The following IGSF10 variants were observed in gnomAD, a reference collection of about 807,000 sequenced individuals.
The protein encoded by IGSF10 is calvaria mechanical force protein 608.
In IGSF10, 126 loss-of-function variants were observed where a neutral mutation model predicts 128.2. The ratio of observed to expected loss-of-function variants is 0.98; its 90% confidence interval spans 0.85 to 1.14. The LOEUF (loss-of-function observed/expected upper bound fraction) is 1.14, where lower values mean the gene tolerates loss of function less well. Ranked by LOEUF, IGSF10 falls within the 50% of genes most tolerant of loss-of-function variation. IGSF10 has a pLI of 0.00. For synonymous variants in IGSF10, 1,185 were observed against 1,146.2 expected (o/e 1.03, Z -0.68); for missense variants, 3,295 against 3,149.8 (o/e 1.05, Z -1.10).
At chr3:151,565,916 C>T in the IGSF10 span, 19 of 151,964 alleles carry the variant, frequency 1.3e-4, no homozygotes, top group Non-Finnish European at 5.9e-5. Flanking sequence ...CTGATTTCTA[C>T]CAATCTCTCC....
chr3:151,593,443 A>T, the IGSF10 span, among the ~76,000 whole-genome samples: 2 of 151,736 alleles, frequency 1.3e-5, no homozygotes, highest in Non-Finnish European at 2.9e-5. Context: ...TTTCTGTGAG[A>T]TAGGTAGAGG....
the IGSF10 span, among the ~76,000 whole-genome samples, chr3:151,520,208 G>A: frequency 6.6e-6 from 1 of 151,676 alleles, no homozygotes; most frequent in Admixed American, 6.6e-5. Context: ...AATCCTGCCC[G>A]AGTTTGTTTT....
At chr3:151,440,578 A>C (rs866454467) in intron 7 of IGSF10, 2 of 456,778 alleles carry the variant, frequency 4.4e-6, no homozygotes, top group Non-Finnish European at 4.4e-6. Context: ...AACTTGCCTT[A>C]GGTCACAGGG....
chr3:151,509,996 GCCCAC>G, the IGSF10 span, among the ~76,000 whole-genome samples: 2 of 152,192 alleles, frequency 1.3e-5, no homozygotes, highest in African/African-American at 4.8e-5. Flanking sequence ...ACTGGGTGGA[GCCCAC>G]CACAGCTCAA....
At chr3:151,575,534 G>A in the IGSF10 span, among the ~76,000 whole-genome samples, 7 of 152,350 alleles carry the variant, frequency 4.6e-5, no homozygotes, top group South Asian at 1.5e-3. Flanking sequence ...ACTGAGCCAG[G>A]TGCAGGATAT....
the IGSF10 span, among the ~76,000 whole-genome samples, chr3:151,615,828 G>T: frequency 1.1e-4 from 17 of 152,130 alleles, no homozygotes; most frequent in African/African-American, 3.6e-4. Context: ...TCTTAAAATG[G>T]CAAAATATTC....
chr3:151,518,290 C>T, the IGSF10 span, among the ~76,000 whole-genome samples: 94 of 152,088 alleles, frequency 6.2e-4, no homozygotes, highest in African/African-American at 1.7e-3. Flanking sequence ...CTGTACCTCA[C>T]TTCCATTTTT....
the IGSF10 span, among the ~76,000 whole-genome samples, chr3:151,561,069 G>C: frequency 1.3e-5 from 2 of 152,066 alleles, no homozygotes; most frequent in Non-Finnish European, 2.9e-5. Flanking sequence ...GATAAAATCT[G>C]GTTAGCATTT....
At chr3:151,608,248 A>G in the IGSF10 span, among the ~76,000 whole-genome samples, 5 of 152,330 alleles carry the variant, frequency 3.3e-5, no homozygotes, top group Admixed American at 2.0e-4. Context: ...TAAAAAAGAG[A>G]AAGCCTCTGT....
upstream of IGSF10, among the ~76,000 whole-genome samples, chr3:151,462,888 T>C (rs1193251244): frequency 1.3e-5 from 2 of 152,186 alleles, no homozygotes; most frequent in East Asian, 3.9e-4. Context: ...GGATGCTTGC[T>C]TTGGAAATGT....
the IGSF10 span, among the ~76,000 whole-genome samples, chr3:151,514,985 T>C: frequency 2.0e-5 from 3 of 152,236 alleles, no homozygotes; most frequent in South Asian, 6.2e-4. Context: ...CTGGAGAGGA[T>C]GTGGAGAAAC....
chr3:151,533,603 G>A, the IGSF10 span, among the ~76,000 whole-genome samples: 12 of 152,238 alleles, frequency 7.9e-5, no homozygotes, highest in East Asian at 5.8e-4. Context: ...CTAGCCATAC[G>A]CAGAAAGCTG....
the IGSF10 span, among the ~76,000 whole-genome samples, chr3:151,508,765 T>C: frequency 1.3e-5 from 2 of 152,328 alleles, no homozygotes; most frequent in Non-Finnish European, 2.9e-5. Context: ...ACAGGATTAT[T>C]TGACATGTTA....
the IGSF10 span, among the ~76,000 whole-genome samples, chr3:151,480,206 C>G: frequency 1.3e-5 from 2 of 152,062 alleles, no homozygotes; most frequent in Non-Finnish European, 2.9e-5. Flanking sequence ...AAGAAGAGTA[C>G]CATAGAACAG....
chr3:151,454,117 A>C (rs146034146), intron 4 of IGSF10, among the ~76,000 whole-genome samples: 105,969 of 150,292 alleles, frequency 0.71, 37,379 homozygotes, highest in Middle Eastern at 0.84. Flanking sequence ...TCCTGGTTTG[A>C]AGCGATTCTC....
the IGSF10 span, among the ~76,000 whole-genome samples, chr3:151,503,991 G>C: frequency 1.3e-5 from 2 of 152,154 alleles, no homozygotes; most frequent in African/African-American, 2.4e-5. Flanking sequence ...CCAACCTTAG[G>C]TTTTATAATA....
the IGSF10 span, among the ~76,000 whole-genome samples, chr3:151,509,328 A>T: frequency 6.6e-6 from 1 of 152,230 alleles, no homozygotes; most frequent in African/African-American, 2.4e-5. Context: ...AGTCTCAGTC[A>T]AATTACCTAT....
At chr3:151,612,014 G>A in the IGSF10 span, among the ~76,000 whole-genome samples, 9 of 152,222 alleles carry the variant, frequency 5.9e-5, no homozygotes, top group Admixed American at 4.6e-4. Context: ...AATTTGACCA[G>A]CAATAGAGAA....
the IGSF10 span, among the ~76,000 whole-genome samples, chr3:151,614,684 G>T: frequency 2.0e-5 from 3 of 152,036 alleles, no homozygotes; most frequent in Admixed American, 6.5e-5. Context: ...GGTGGGGAGA[G>T]GGGGGAGGGA....
Sources: gnomAD v4.1 joint callset for allele counts (sites outside exome capture counted in the v4.1 genomes callset) on GRCh38, gnomAD v4.1.1 for gene constraint, MANE v1.5 for transcripts, NCBI Gene and HGNC (gene_info 2026-07-23, HGNC 2026-07-21) for gene names.